R3HDM1: variants seen among roughly 807,000 people sequenced by gnomAD.
R3HDM1 encodes R3H domain containing 1.
Under a neutral mutation model 141.1 loss-of-function variants are expected in R3HDM1, and 46 were observed. That is an observed-to-expected ratio of 0.33 (90% CI 0.26 to 0.42). The LOEUF (loss-of-function observed/expected upper bound fraction) is 0.42, where lower values mean the gene tolerates loss of function less well. Among genes scored for constraint, R3HDM1 ranks in the 10% least tolerant of loss-of-function variants. R3HDM1 has a pLI of 1.00. For synonymous variants in R3HDM1, 435 were observed against 472.9 expected (o/e 0.92, Z 1.04); for missense variants, 1,184 against 1,368.3 (o/e 0.87, Z 2.12).
In R3HDM1 at chr2:135,588,351, C is replaced by T. The variant is rs542477261; in HGVS notation, c.-249-14149C>T. Among the ~76,000 whole-genome samples, 30 of 152,108 alleles carry T rather than the reference C, an allele frequency of 2.0e-4. 1 individual carries two copies. The highest frequency in any genetic ancestry group is 7.0e-4 in the African/African-American group (29 of 41,488). ...ACACCTCTTTCAGTCTCTCTGCCTC[C>T]GTCCTTCCCTCTCTTGGCACTCTGC... On this transcript the variant is annotated intron_variant, in intron 1 of 26. Coordinates refer to ENST00000683871, the MANE Select transcript of R3HDM1 (RefSeq NM_001378107.1).
chr2:135,695,748 C>T (rs1490418294), intron 21 of R3HDM1, among the ~76,000 whole-genome samples: 1 of 152,100 alleles, frequency 6.6e-6, no homozygotes, highest in Non-Finnish European at 1.5e-5. Flanking sequence ...CATTCTATAC[C>T]TGTAAAAATA....
At chr2:135,533,085 A>C (rs1695278527) in intron 1 of R3HDM1, among the ~76,000 whole-genome samples, 1 of 152,176 alleles carries the variant, frequency 6.6e-6, no homozygotes, top group South Asian at 2.1e-4. Flanking sequence ...CATAACTAGT[A>C]CACCTAGTTA....
At chr2:135,611,557 T>C (rs1389779782) in intron 3 of R3HDM1, among the ~76,000 whole-genome samples, 1 of 152,230 alleles carries the variant, frequency 6.6e-6, no homozygotes, top group Admixed American at 6.5e-5. Flanking sequence ...TTTTCTTTAG[T>C]AATAAAACAG....
intron 1 of R3HDM1, among the ~76,000 whole-genome samples, chr2:135,596,743 C>T (rs1036408404): frequency 8.5e-5 from 13 of 152,128 alleles, no homozygotes; most frequent in African/African-American, 3.1e-4. Context: ...TTCATGGTAT[C>T]GTGCAACATG....
At chr2:135,687,876 A>G (rs922227864) in intron 21 of R3HDM1, among the ~76,000 whole-genome samples, 18 of 152,244 alleles carry the variant, frequency 1.2e-4, no homozygotes, top group African/African-American at 4.3e-4. Flanking sequence ...TGAAAAATAA[A>G]TCACATTAAT....
At chr2:135,717,846 A>G (rs1344372983) in intron 24 of R3HDM1, among the ~76,000 whole-genome samples, 1 of 152,232 alleles carries the variant, frequency 6.6e-6, no homozygotes, top group Non-Finnish European at 1.5e-5. Flanking sequence ...CCTGGGGGAA[A>G]GAGAATTGAA....
intron 1 of R3HDM1, among the ~76,000 whole-genome samples, chr2:135,550,774 A>C (rs1699695990): frequency 1.3e-5 from 2 of 152,170 alleles, no homozygotes. Flanking sequence ...TAAAAGTTCA[A>C]CTTTATGCTT....
At chr2:135,659,297 A>G (rs1289603902) in intron 18 of R3HDM1, among the ~76,000 whole-genome samples, 2 of 151,960 alleles carry the variant, frequency 1.3e-5, no homozygotes, top group African/African-American at 4.8e-5. Flanking sequence ...GGGTTTCACC[A>G]TGTCGCCCAG....
intron 1 of R3HDM1, among the ~76,000 whole-genome samples, chr2:135,569,300 T>C (rs1490795721): frequency 6.6e-6 from 1 of 151,698 alleles, no homozygotes; most frequent in Non-Finnish European, 1.5e-5. Context: ...CTGGACAACA[T>C]AGTGAAACCC....
At chr2:135,531,991 G>C (rs530287712) in intron 1 of R3HDM1, among the ~76,000 whole-genome samples, 2 of 152,322 alleles carry the variant, frequency 1.3e-5, no homozygotes, top group East Asian at 1.9e-4. Context: ...AAAGGTTTCC[G>C]AGTCCCTGCC....
chr2:135,539,164 GT>G, intron 1 of R3HDM1, among the ~76,000 whole-genome samples: 1 of 152,004 alleles, frequency 6.6e-6, no homozygotes, highest in South Asian at 2.1e-4. Flanking sequence ...CTGTTTGACA[GT>G]TAACTTCTGA....
intron 7 of R3HDM1, among the ~76,000 whole-genome samples, chr2:135,626,209 G>GTGCGTGCGTGCT (rs1553576639): frequency 7.0e-6 from 1 of 143,334 alleles, no homozygotes; most frequent in Non-Finnish European, 1.5e-5. Context: ...GCGTGCGTGC[G>GTGCGTGCGTGCT]TGCTTGCTTG....
At chr2:135,626,248 C>CTTGCTTGCTTGCTTGCTTGCT (rs2062041416) in intron 7 of R3HDM1, among the ~76,000 whole-genome samples, 1 of 152,030 alleles carries the variant, frequency 6.6e-6, no homozygotes, top group African/African-American at 2.4e-5. Flanking sequence ...TGCTTGCTTG[C>CTTGCTTGCTTGCTTGCTTGCT]TGGTGGAGAG....
In R3HDM1 at chr2:135,723,266, C is replaced by T. The variant is rs373486531; in HGVS notation, c.3050-671C>T. ...CCTCCCGAGTAGCTGGGATTACAGT[C>T]GCCCACCAGCACGCCCAGCTAATTT... On this transcript the variant is annotated intron_variant, in intron 26 of 26. Transcript: ENST00000683871. Among the ~76,000 whole-genome samples the T allele has an allele frequency of 9.7e-4, 148 of 151,856 alleles. 5 individuals carry two copies. The South Asian group carries it at 0.028, about 29-fold the overall frequency.
At chr2:135,539,972 T>C (rs763078528) in intron 1 of R3HDM1, among the ~76,000 whole-genome samples, 1 of 152,256 alleles carries the variant, frequency 6.6e-6, no homozygotes, top group African/African-American at 2.4e-5. Flanking sequence ...TAGCATGTGC[T>C]GCTATTTGAA....
At chr2:135,716,971 A>AAAAC (rs57745000) in intron 24 of R3HDM1, among the ~76,000 whole-genome samples, 149,626 of 151,958 alleles carry the variant, frequency 0.98, 73,697 homozygotes, top group Middle Eastern at 1. Context: ...AACAAACAAA[A>AAAAC]AAACAAACAA....
At chr2:135,689,351 A>C (rs941917582) in intron 21 of R3HDM1, among the ~76,000 whole-genome samples, 4 of 152,214 alleles carry the variant, frequency 2.6e-5, no homozygotes, top group African/African-American at 9.6e-5. Flanking sequence ...ACATATCAAC[A>C]AGTTTATAAA....
At chr2:135,613,023 TTTAC>T (rs1255642489) in intron 3 of R3HDM1, among the ~76,000 whole-genome samples, 16 of 152,342 alleles carry the variant, frequency 1.1e-4, no homozygotes, top group Non-Finnish European at 1.6e-4. Flanking sequence ...CAATTTATGG[TTTAC>T]TTATATAGTA....
In R3HDM1 at chr2:135,602,681, A is replaced by G. The variant is rs1429203840; in HGVS notation, c.-68A>G. On this transcript the variant is annotated 5_prime_UTR_variant, in exon 2 of 27. Coordinates refer to ENST00000683871, the MANE Select transcript of R3HDM1 (RefSeq NM_001378107.1). ...TTTTATTTTATTTTTGTGGGACACC[A>G]CAATCCCAAATCCAAAGGACGCATC... 4 of 1,535,022 alleles carry G rather than the reference A, an allele frequency of 2.6e-6. No individual in the cohort carries two copies. The Admixed American group carries it at 8.5e-5, about 33-fold the overall frequency.
Sources: gnomAD v4.1 joint callset for allele counts (sites outside exome capture counted in the v4.1 genomes callset) on GRCh38, gnomAD v4.1.1 for gene constraint, MANE v1.5 for transcripts, NCBI Gene and HGNC (gene_info 2026-07-23, HGNC 2026-07-21) for gene names.